Variants in TSGA10 observed in about 807,000 individuals in gnomAD.
TSGA10 encodes the protein testis specific 10.
TSGA10 carries 43 observed loss-of-function variants against 96.6 expected under a neutral mutation model. The ratio of observed to expected loss-of-function variants is 0.44; its 90% CI spans 0.35 to 0.57. The LOEUF is 0.57. Ranked by LOEUF, TSGA10 falls within the 20% of genes least tolerant of loss-of-function variation. The pLI, the probability that TSGA10 is intolerant of heterozygous loss-of-function variation, is 0.01. For missense variants in TSGA10, 703 were observed against 834.4 expected (o/e 0.84, Z 1.94); for synonymous variants, 229 against 269.9 (o/e 0.85, Z 1.48).
At chr2:99,104,331 A>G (rs1355931997) in intron 9 of TSGA10, among the ~76,000 whole-genome samples, 1 of 152,210 alleles carries the variant, frequency 6.6e-6, no homozygotes, top group Non-Finnish European at 1.5e-5. Context: ...TTATCACAGT[A>G]TATCAGTCTA....
chr2:99,015,357 A>G (rs2079416210), intron 20 of TSGA10, among the ~76,000 whole-genome samples: 1 of 152,230 alleles, frequency 6.6e-6, no homozygotes, highest in Non-Finnish European at 1.5e-5. Flanking sequence ...AAAAAATGTG[A>G]CAGATCACAT....
chr2:99,150,167 C>T (rs1034003358), intron 1 of TSGA10, among the ~76,000 whole-genome samples: 9 of 152,098 alleles, frequency 5.9e-5, no homozygotes, highest in African/African-American at 1.7e-4. Context: ...GGCCTTCAGT[C>T]GTTATTTCTT....
At chr2:99,070,856 A>T (rs2085879883) in intron 14 of TSGA10, among the ~76,000 whole-genome samples, 1 of 152,164 alleles carries the variant, frequency 6.6e-6, no homozygotes. Context: ...TATGGTGCAT[A>T]TGTCACAATT....
chr2:99,052,742 T>A (rs1033649189), intron 16 of TSGA10, among the ~76,000 whole-genome samples: 19 of 139,682 alleles, frequency 1.4e-4, no homozygotes, highest in South Asian at 4.5e-4. Flanking sequence ...CATCTCAATT[T>A]AAAAAAAAAA....
intron 10 of TSGA10, among the ~76,000 whole-genome samples, chr2:99,096,799 G>A (rs905442005): frequency 6.6e-6 from 1 of 152,216 alleles, no homozygotes; most frequent in Non-Finnish European, 1.5e-5. Flanking sequence ...AAGAAGTGAT[G>A]TGATTGGTCA....
At chr2:99,111,198 C>G (rs1351471931) in intron 4 of TSGA10, among the ~76,000 whole-genome samples, 1 of 151,952 alleles carries the variant, frequency 6.6e-6, no homozygotes, top group Non-Finnish European at 1.5e-5. Flanking sequence ...AATGTTAGTA[C>G]TAATTACAAT....
At chr2:99,003,949 G>A (rs2078219860) in intron 20 of TSGA10, among the ~76,000 whole-genome samples, 1 of 152,126 alleles carries the variant, frequency 6.6e-6, no homozygotes, top group Non-Finnish European at 1.5e-5. Flanking sequence ...ACTAAGATCA[G>A]AGCAGAACTG....
At chr2:99,062,932 A>C (rs1369342448) in intron 16 of TSGA10, among the ~76,000 whole-genome samples, 1 of 152,230 alleles carries the variant, frequency 6.6e-6, no homozygotes, top group Non-Finnish European at 1.5e-5. Context: ...TTATTCTAAA[A>C]TTCATCTGAG....
rs572894330 is a variant in TSGA10, at chr2:99,008,784, G to A, written c.2072+9416C>T. Reference sequence around the variant, plus strand: ...GAAACTACCTAAATGTCCAAGTTTAGGAGGTGGGTTGCATAACTATGGTAC... The same window carrying A: ...GAAACTACCTAAATGTCCAAGTTTAAGAGGTGGGTTGCATAACTATGGTAC... On this transcript the variant is annotated intron_variant, in intron 20 of 20. Coordinates refer to ENST00000393483, the MANE Select transcript of TSGA10 (RefSeq NM_025244.4). Among the ~76,000 whole-genome samples the A allele has an allele frequency of 4.6e-5, 7 of 152,280 alleles. No homozygotes were observed. The East Asian group carries it at 1.3e-3, about 29-fold the overall frequency.
intron 17 of TSGA10, among the ~76,000 whole-genome samples, 176 bp downstream of exon 17, chr2:99,035,054 T>G (rs2105079252): frequency 6.6e-6 from 1 of 152,278 alleles, no homozygotes; most frequent in East Asian, 1.9e-4. Context: ...TCTGTTACAG[T>G]CTTAAGTTGT....
chr2:99,027,203 C>G (rs1317065820), intron 17 of TSGA10, among the ~76,000 whole-genome samples: 1 of 152,190 alleles, frequency 6.6e-6, no homozygotes, highest in Non-Finnish European at 1.5e-5. Context: ...GGGTTGGGAA[C>G]TCCTACTATA....
At chr2:99,046,127 G>T (rs2082750617) in intron 16 of TSGA10, among the ~76,000 whole-genome samples, 1 of 152,122 alleles carries the variant, frequency 6.6e-6, no homozygotes, top group Non-Finnish European at 1.5e-5. Flanking sequence ...AATAATGGGA[G>T]ACTTTAACAC....
At chr2:99,066,024 T>G (rs544075598) in intron 15 of TSGA10, among the ~76,000 whole-genome samples, 1 of 152,216 alleles carries the variant, frequency 6.6e-6, no homozygotes, top group Non-Finnish European at 1.5e-5. Context: ...GGTAATTTTT[T>G]AAAAGGCACT....
chr2:99,153,070 G>A (rs994811507), intron 1 of TSGA10, among the ~76,000 whole-genome samples: 2 of 152,198 alleles, frequency 1.3e-5, no homozygotes, highest in African/African-American at 2.4e-5. Context: ...AGGGGACTGC[G>A]GAGTTGGCAG....
intron 13 of TSGA10, among the ~76,000 whole-genome samples, chr2:99,072,554 A>C (rs1440459983): frequency 1.3e-5 from 2 of 151,966 alleles, no homozygotes; most frequent in Admixed American, 1.3e-4. Flanking sequence ...CTGTCCCACA[A>C]CTCCTAAACC....
chr2:99,013,003 A>AT (rs1157385503), intron 20 of TSGA10, among the ~76,000 whole-genome samples: 2 of 152,014 alleles, frequency 1.3e-5, no homozygotes, highest in East Asian at 3.9e-4. Flanking sequence ...ATCTTTTGTA[A>AT]TTTTTTTGTC....
At chr2:99,089,397 T>G (rs1434561048) in intron 10 of TSGA10, among the ~76,000 whole-genome samples, 1 of 152,166 alleles carries the variant, frequency 6.6e-6, no homozygotes, top group Non-Finnish European at 1.5e-5. Flanking sequence ...TGAACTTTCT[T>G]GGACAGAACT....
At chr2:99,017,537 A>G (rs13400913) in intron 20 of TSGA10, among the ~76,000 whole-genome samples, 65,869 of 151,830 alleles carry the variant, frequency 0.43, 16,954 homozygotes, top group African/African-American at 0.72. Flanking sequence ...AGGCCGAGGC[A>G]GGCGGATCAC....
At chr2:99,044,961 A>C (rs1276711687) in intron 16 of TSGA10, among the ~76,000 whole-genome samples, 1 of 152,190 alleles carries the variant, frequency 6.6e-6, no homozygotes, top group Non-Finnish European at 1.5e-5. Flanking sequence ...AGGCAGAAAT[A>C]AAGATGTTCT....
Sources: allele counts gnomAD v4.1 joint callset (sites outside exome capture counted in the v4.1 genomes callset), GRCh38; gene constraint gnomAD v4.1.1; transcripts MANE v1.5; gene names NCBI Gene and HGNC (gene_info 2026-07-23, HGNC 2026-07-21).